EDEM2: variants seen among roughly 807,000 people sequenced by gnomAD.
EDEM2 encodes ER degradation enhancing alpha-mannosidase like protein 2, also known as ER degradation-enhancing alpha-mannosidase-like protein 2.
In EDEM2, 39 loss-of-function variants were observed where a neutral mutation model predicts 64.8. The ratio of observed to expected loss-of-function variants is 0.60; its 90% confidence interval spans 0.47 to 0.79. The LOEUF is 0.79. Among genes scored for constraint, EDEM2 ranks in the 30% least tolerant of loss-of-function variants. EDEM2 has a pLI of 0.00. For missense variants in EDEM2, 609 were observed against 731.3 expected (o/e 0.83, Z 1.93); for synonymous variants, 296 against 291.5 (o/e 1.02, Z -0.16).
intron 4 of EDEM2, among the ~76,000 whole-genome samples, chr20:35,141,035 G>T (rs2085646583): frequency 6.9e-6 from 1 of 144,754 alleles, no homozygotes; most frequent in Non-Finnish European, 1.5e-5. Flanking sequence ...CAGGAGAATC[G>T]CCTGAACCCG....
intron 8 of EDEM2, among the ~76,000 whole-genome samples, chr20:35,124,529 G>A (rs1326154037): frequency 1.3e-5 from 2 of 152,190 alleles, no homozygotes; most frequent in African/African-American, 4.8e-5. Flanking sequence ...GCCTCCCAGT[G>A]CTAATTTTTT....
chr20:35,128,499 G>A (rs1017487710), intron 7 of EDEM2, among the ~76,000 whole-genome samples: 5 of 149,586 alleles, frequency 3.3e-5, no homozygotes, highest in African/African-American at 1.3e-4. Flanking sequence ...CTGGGAGGCG[G>A]AGGTTGCAGT....
intron 4 of EDEM2, among the ~76,000 whole-genome samples, chr20:35,138,827 A>C (rs1448040977): frequency 6.6e-6 from 1 of 151,164 alleles, no homozygotes; most frequent in Non-Finnish European, 1.5e-5. Context: ...CTCATGATCC[A>C]CCTGCCTCAG....
At chr20:35,145,245 T>A (rs2085713183) in intron 2 of EDEM2, among the ~76,000 whole-genome samples, 1 of 152,200 alleles carries the variant, frequency 6.6e-6, no homozygotes. Context: ...ATTAAATACA[T>A]CACCTATAGT....
At chr20:35,131,557 C>T (rs2085505425) in intron 7 of EDEM2, 85 bp downstream of exon 7, 1 of 1,530,736 alleles carries the variant, frequency 6.5e-7, no homozygotes, top group Non-Finnish European at 8.9e-7. Flanking sequence ...TGGAGCAAGA[C>T]TCTGTCTCAA....
chr20:35,130,739 G>A (rs1451853152), intron 7 of EDEM2, among the ~76,000 whole-genome samples: 1 of 152,108 alleles, frequency 6.6e-6, no homozygotes, highest in African/African-American at 2.4e-5. Flanking sequence ...TCAAAACTGT[G>A]GATAACGGGG....
intron 4 of EDEM2, among the ~76,000 whole-genome samples, chr20:35,139,096 G>T (rs2085616310): frequency 6.6e-6 from 1 of 152,070 alleles, no homozygotes; most frequent in South Asian, 2.1e-4. Context: ...GCTCACATCT[G>T]TAATCCCAGC....
rs146997574 is a variant in EDEM2, at chr20:35,116,906, C to T, written c.1237-973G>A. On this transcript the variant is annotated intron_variant, in intron 10 of 10. Transcript: ENST00000374492. ...CCGGGTTCAAGCAATTCTCCTGCCT[C>T]AGCCTCCAGAGTAGCTGGGACTACA... Among the ~76,000 whole-genome samples, 741 of 152,226 alleles carry T rather than the reference C, an allele frequency of 4.9e-3. 4 individuals carry two copies. Among genetic ancestry groups the T allele is most frequent in the South Asian group, 0.011 (51 of 4,828 alleles).
At position 35,147,223 on chromosome 20, in the gene EDEM2, C is replaced by T. The variant is rs1206997161; in HGVS notation, c.36G>A (p.Leu12=). Residue 12 remains leucine (L), a synonymous_variant, in exon 1 of 11, where the codon CTG becomes CTA. Transcript: ENST00000374492. The stretch of plus-strand genomic sequence containing the variant: ...CATGGTGCTGAGGCAGCAGCGCGCA[C>T]AGGAGGCCGAGCGGGATGAGCAGCC... ...PFRLLIPLGL[L]CALLPQHHGA... is the part of the protein sequence containing the mutation. 2 of 1,599,008 alleles carry T rather than the reference C, an allele frequency of 1.3e-6. No homozygotes were observed. Among genetic ancestry groups the T allele is most frequent in the East Asian group, 4.5e-5 (2 of 44,328 alleles).
chr20:35,122,367 T>A (rs191445151), intron 9 of EDEM2, among the ~76,000 whole-genome samples: 3 of 152,250 alleles, frequency 2.0e-5, no homozygotes, highest in African/African-American at 4.8e-5. Flanking sequence ...TTCTTATTTT[T>A]AAAATTTACT....
intron 1 of EDEM2, 27 bp downstream of exon 1, chr20:35,147,125 A>G (rs767814000): frequency 6.9e-6 from 11 of 1,594,228 alleles, no homozygotes; most frequent in Middle Eastern, 1.7e-4. Context: ...CCATTCCCCA[A>G]CTGCGAAAGG....
chr20:35,132,889 C>T, intron 6 of EDEM2, among the ~76,000 whole-genome samples: 1 of 152,112 alleles, frequency 6.6e-6, no homozygotes, highest in East Asian at 1.9e-4. Context: ...CTGGTAACTT[C>T]ATCTGGTACT....
chr20:35,119,269 T>C (rs552980941), intron 9 of EDEM2, among the ~76,000 whole-genome samples: 9 of 152,076 alleles, frequency 5.9e-5, no homozygotes, highest in Non-Finnish European at 1.2e-4. Flanking sequence ...CGTTCTAAGA[T>C]AGGATGGACC....
chr20:35,125,269 C>T (rs1439457224), intron 8 of EDEM2, among the ~76,000 whole-genome samples: 2 of 151,288 alleles, frequency 1.3e-5, no homozygotes, highest in Non-Finnish European at 2.9e-5. Flanking sequence ...GATCATGGCT[C>T]ACTGCAGCCT....
At chr20:35,146,388 G>A (rs2085732420) in intron 2 of EDEM2, among the ~76,000 whole-genome samples, 1 of 152,126 alleles carries the variant, frequency 6.6e-6, no homozygotes, top group Non-Finnish European at 1.5e-5. Flanking sequence ...CCAGTGATGG[G>A]AGGAAAATGG....
At chr20:35,128,954 C>T (rs1457942437) in intron 7 of EDEM2, among the ~76,000 whole-genome samples, 2 of 151,606 alleles carry the variant, frequency 1.3e-5, no homozygotes, top group Non-Finnish European at 2.9e-5. Context: ...AAAAAAGTTA[C>T]AGTAAGCTAA....
At chr20:35,124,238 C>T (rs1052350375) in intron 8 of EDEM2, among the ~76,000 whole-genome samples, 1 of 152,196 alleles carries the variant, frequency 6.6e-6, no homozygotes, top group South Asian at 2.1e-4. Flanking sequence ...CCACCTATCT[C>T]ATGCATTGTT....
chr20:35,140,894 C>T (rs1174827692), intron 4 of EDEM2, among the ~76,000 whole-genome samples: 18 of 151,796 alleles, frequency 1.2e-4, no homozygotes, highest in African/African-American at 2.4e-5. Flanking sequence ...TGATGGGGGG[C>T]GGATCACCTG....
At chr20:35,118,466 T>C (rs1230197867) in intron 10 of EDEM2, 132 bp downstream of exon 10, 6 of 1,363,586 alleles carry the variant, frequency 4.4e-6, no homozygotes, top group Non-Finnish European at 6.1e-6. Context: ...CTGTAAAATA[T>C]GAGCATTATG....
Sources: gnomAD v4.1 joint callset for allele counts (sites outside exome capture counted in the v4.1 genomes callset) on GRCh38, gnomAD v4.1.1 for gene constraint, MANE v1.5 for transcripts, NCBI Gene and HGNC (gene_info 2026-07-23, HGNC 2026-07-21) for gene names.